Variants in LRCH1 observed in about 807,000 individuals in gnomAD.
LRCH1 encodes the protein leucine-rich repeat and calponin homology domain-containing protein 1.
LRCH1 carries 23 observed loss-of-function variants against 94.9 expected under a neutral mutation model. The ratio of observed to expected loss-of-function variants is 0.24; its 90% confidence interval spans 0.17 to 0.34. The LOEUF (loss-of-function observed/expected upper bound fraction) is 0.34, where lower values mean the gene tolerates loss of function less well. LRCH1 is among the 10% of genes least tolerant of loss of function. The pLI is 1.00. For synonymous variants in LRCH1, 364 were observed against 354.9 expected (o/e 1.03, Z -0.29); for missense variants, 790 against 945.9 (o/e 0.84, Z 2.16).
intron 1 of LRCH1, among the ~76,000 whole-genome samples, chr13:46,590,554 C>T (rs2050487748): frequency 1.3e-5 from 2 of 152,218 alleles, no homozygotes; most frequent in Admixed American, 1.3e-4. Context: ...AATCTCAGCC[C>T]TTTAGGAGGC....
chr13:46,660,485 G>C (rs925199461), intron 2 of LRCH1, among the ~76,000 whole-genome samples: 2 of 152,142 alleles, frequency 1.3e-5, no homozygotes, highest in African/African-American at 4.8e-5. Context: ...AAATTGGCTA[G>C]TCTTGTTAGA....
At chr13:46,708,260 C>T in intron 13 of LRCH1, among the ~76,000 whole-genome samples, 1 of 146,492 alleles carries the variant, frequency 6.8e-6, no homozygotes, top group Admixed American at 6.9e-5. Flanking sequence ...TTGTCTAGGT[C>T]TAGTTTTCAT....
At chr13:46,722,198 T>C (rs2138217397) in intron 16 of LRCH1, among the ~76,000 whole-genome samples, 1 of 152,214 alleles carries the variant, frequency 6.6e-6, no homozygotes, top group East Asian at 1.9e-4. Context: ...CAGTACACCA[T>C]GCAGCCTTCT....
At chr13:46,696,026 C>T (rs1445081391) in intron 9 of LRCH1, among the ~76,000 whole-genome samples, 2 of 152,186 alleles carry the variant, frequency 1.3e-5, no homozygotes, top group African/African-American at 2.4e-5. Context: ...TTAATCCATA[C>T]ATCCTTGTTT....
chr13:46,675,190 G>A (rs1008641145), intron 3 of LRCH1, among the ~76,000 whole-genome samples: 7 of 152,224 alleles, frequency 4.6e-5, no homozygotes, highest in Non-Finnish European at 1.0e-4. Context: ...TATTTGTTAA[G>A]AGATGCTGTA....
chr13:46,724,839 T>G (rs1872737375), intron 17 of LRCH1, among the ~76,000 whole-genome samples: 1 of 152,208 alleles, frequency 6.6e-6, no homozygotes, highest in South Asian at 2.1e-4. Flanking sequence ...TTCAACCCTG[T>G]AATCCCATTA....
rs977966118 is a variant in LRCH1 at position 46,673,984 on chromosome 13, G to T, written c.579+4828G>T. ...TTTAGTAGAGATGGGGTTTCACTGT[G>T]TTGGCCAGGCTGCTGTCGAACTCCT... On this transcript the variant is annotated intron_variant, in intron 3 of 19. Transcript: ENST00000389797. 6.6e-5 allele frequency among the ~76,000 whole-genome samples: 10 copies of T among 152,122 alleles called. 1 individual carries two copies. Among genetic ancestry groups the T allele is most frequent in the African/African-American group, 2.4e-4 (10 of 41,422 alleles).
chr13:46,685,857 G>A, intron 4 of LRCH1, 48 bp from the exon 5 acceptor site: 2 of 1,330,862 alleles, frequency 1.5e-6, no homozygotes, highest in Non-Finnish European at 2.0e-6. Context: ...TAATCTTATT[G>A]ATTTCTAAGG....
chr13:46,747,452 C>T (rs745356944), downstream of LRCH1, among the ~76,000 whole-genome samples: 11 of 152,222 alleles, frequency 7.2e-5, no homozygotes, highest in Non-Finnish European at 1.3e-4. Flanking sequence ...CATTGGAGGA[C>T]ACATGCCACT....
chr13:46,723,162 T>G, intron 16 of LRCH1, 59 bp from the exon 17 acceptor site: 1 of 820,520 alleles, frequency 1.2e-6, no homozygotes, highest in South Asian at 1.8e-5. Flanking sequence ...GATTTTAATA[T>G]GAATAGCCCT....
chr13:46,693,154 C>T (rs1298023347), intron 8 of LRCH1, among the ~76,000 whole-genome samples: 2 of 151,762 alleles, frequency 1.3e-5, no homozygotes, highest in African/African-American at 4.8e-5. Flanking sequence ...TAAATCCATT[C>T]TTGGAAAGAA....
chr13:46,711,873 G>C (rs1872083421), intron 14 of LRCH1, 29 bp downstream of exon 14: 12 of 1,570,676 alleles, frequency 7.6e-6, no homozygotes, highest in Non-Finnish European at 1.1e-5. Flanking sequence ...AATGGAAGGT[G>C]AGGTGTTTCT....
At chr13:46,686,952 A>ATTTCTTTTTT (rs771856002) in intron 5 of LRCH1, among the ~76,000 whole-genome samples, 2 of 85,434 alleles carry the variant, frequency 2.3e-5, no homozygotes, top group African/African-American at 9.3e-5. Context: ...GAGTATATTG[A>ATTTCTTTTTT]TTTTTTTTTT....
At chr13:46,651,987 A>T (rs1448214265) in intron 2 of LRCH1, among the ~76,000 whole-genome samples, 1 of 132,622 alleles carries the variant, frequency 7.5e-6, no homozygotes, top group Non-Finnish European at 1.6e-5. Flanking sequence ...TCCCGGGTTC[A>T]CGCCATTCTC....
intron 1 of LRCH1, among the ~76,000 whole-genome samples, chr13:46,580,256 T>C (rs555711178): frequency 6.6e-6 from 1 of 152,334 alleles, no homozygotes; most frequent in African/African-American, 2.4e-5. Flanking sequence ...CATCAAATTA[T>C]AACCTGACTG....
At chr13:46,701,277 A>G (rs1593362658) in intron 11 of LRCH1, 70 bp downstream of exon 11, 3 of 1,099,046 alleles carry the variant, frequency 2.7e-6, no homozygotes, top group Non-Finnish European at 2.7e-6. Flanking sequence ...TACATTGTCT[A>G]AATTCCTAAA....
chr13:46,710,844 C>T (rs1872025486), intron 13 of LRCH1, among the ~76,000 whole-genome samples: 1 of 152,070 alleles, frequency 6.6e-6, no homozygotes. Flanking sequence ...TTCTTGACTA[C>T]CTTATAAAGA....
At chr13:46,636,457 T>G (rs1336142795) in intron 1 of LRCH1, among the ~76,000 whole-genome samples, 1 of 152,186 alleles carries the variant, frequency 6.6e-6, no homozygotes, top group Non-Finnish European at 1.5e-5. Flanking sequence ...TGTTTTCATC[T>G]TGCAAAACTG....
At chr13:46,747,113 G>C (rs1873941122), downstream of LRCH1, among the ~76,000 whole-genome samples, 1 of 152,162 alleles carries the variant, frequency 6.6e-6, no homozygotes, top group African/African-American at 2.4e-5. Flanking sequence ...GGAAGAATTT[G>C]AGGGGTATCT....
Sources: gnomAD v4.1 joint callset for allele counts (sites outside exome capture counted in the v4.1 genomes callset) on GRCh38, gnomAD v4.1.1 for gene constraint, MANE v1.5 for transcripts, NCBI Gene and HGNC (gene_info 2026-07-23, HGNC 2026-07-21) for gene names.